The following GRIP1 variants were observed in gnomAD, a reference collection of about 807,000 sequenced individuals.
The protein encoded by GRIP1 is glutamate receptor interacting protein 1.
A neutral mutation model predicts 129.9 loss-of-function variants in GRIP1; 45 were observed. The ratio of observed to expected loss-of-function variants is 0.35; its 90% CI spans 0.27 to 0.44. GRIP1 has a LOEUF of 0.44. GRIP1 is among the 20% of genes least tolerant of loss of function. The pLI is 1.00. For synonymous variants in GRIP1, 530 were observed against 520.8 expected (o/e 1.02, Z -0.24); for missense variants, 1,196 against 1,396.8 (o/e 0.86, Z 2.29).
intron 15 of GRIP1, among the ~76,000 whole-genome samples, chr12:66,413,964 A>C (rs1036085385): frequency 1.3e-5 from 2 of 152,176 alleles, no homozygotes; most frequent in Non-Finnish European, 2.9e-5. Context: ...AGTGAAAGCC[A>C]CATAGGACAA....
chr12:66,814,562 C>A (rs543621140), intron 1 of GRIP1, among the ~76,000 whole-genome samples: 4 of 147,228 alleles, frequency 2.7e-5, no homozygotes, highest in South Asian at 4.3e-4. Flanking sequence ...ATTATGTGTC[C>A]AGCTGCACTA....
chr12:66,638,480 T>C (rs1445552791), intron 1 of GRIP1, among the ~76,000 whole-genome samples: 4 of 152,200 alleles, frequency 2.6e-5, no homozygotes, highest in African/African-American at 9.7e-5. Flanking sequence ...CCCCAGTACT[T>C]TGGCCACTGT....
intron 1 of GRIP1, among the ~76,000 whole-genome samples, chr12:66,823,288 T>A (rs1454064489): frequency 1.3e-5 from 2 of 152,088 alleles, no homozygotes; most frequent in Non-Finnish European, 2.9e-5. Context: ...TAAAGAACTG[T>A]TTTTTTATAA....
intron 1 of GRIP1, among the ~76,000 whole-genome samples, chr12:66,836,942 T>C (rs1592891501): frequency 6.6e-6 from 1 of 152,144 alleles, no homozygotes; most frequent in Non-Finnish European, 1.5e-5. Flanking sequence ...CATGTTGTTG[T>C]TTTTTTCCCT....
At position 67,003,738 on chromosome 12, in the gene GRIP1, A is replaced by T. The variant is rs562373139; in HGVS notation, c.58+65312T>A. 2.0e-5 allele frequency among the ~76,000 whole-genome samples: 3 copies of T among 151,984 alleles called. No homozygotes were observed. The South Asian group carries it at 6.2e-4, about 32-fold the overall frequency. ...AATAAAAATAAATAAAAAAATAAAT[A>T]AAAAAATTCCTACCATTTTCCCTCT... On this transcript the variant is annotated intron_variant, in intron 1 of 1. Coordinates refer to the GRIP1 transcript ENST00000643019.
intron 1 of GRIP1, among the ~76,000 whole-genome samples, chr12:66,604,321 A>C (rs1024718179): frequency 4.6e-5 from 7 of 152,206 alleles, no homozygotes; most frequent in Non-Finnish European, 7.3e-5. Flanking sequence ...GAAATTGCAC[A>C]TTTTCTGCCT....
chr12:66,877,716 C>T (rs1178633304), intron 1 of GRIP1, among the ~76,000 whole-genome samples: 1 of 151,978 alleles, frequency 6.6e-6, no homozygotes, highest in East Asian at 1.9e-4. Flanking sequence ...CCACATACAC[C>T]CCACATATTC....
chr12:66,841,193 A>G (rs11176445), intron 1 of GRIP1, among the ~76,000 whole-genome samples: 24,563 of 152,040 alleles, frequency 0.16, 2,135 homozygotes, highest in East Asian at 0.37. Flanking sequence ...AAAATCTGAA[A>G]ATCTGAGTGA....
chr12:66,991,979 G>C (rs2135644344), intron 1 of GRIP1, among the ~76,000 whole-genome samples: 1 of 152,256 alleles, frequency 6.6e-6, no homozygotes, highest in Non-Finnish European at 1.5e-5. Context: ...CTCAAAATAT[G>C]ACTTAAATAG....
At chr12:67,068,862 C>CCCCCCCCCGCCCCCCCT (rs2043682372) in intron 1 of GRIP1, among the ~76,000 whole-genome samples, 1 of 71,896 alleles carries the variant, frequency 1.4e-5, no homozygotes, top group Non-Finnish European at 3.0e-5. Context: ...CGCCCCCCCC[C>CCCCCCCCCGCCCCCCCT]CCCCCCGCAA....
intron 8 of GRIP1, among the ~76,000 whole-genome samples, chr12:66,464,329 C>T (rs1001398191): frequency 2.6e-5 from 4 of 151,938 alleles, no homozygotes; most frequent in African/African-American, 4.8e-5. Context: ...TTTTACCTTA[C>T]GAGTATAAAA....
intron 1 of GRIP1, among the ~76,000 whole-genome samples, chr12:66,932,035 G>T (rs900937272): frequency 7.2e-5 from 11 of 152,074 alleles, no homozygotes; most frequent in Admixed American, 7.2e-4. Flanking sequence ...AAAAATATAT[G>T]TATTTTTACA....
At chr12:66,561,470 AC>A (rs2062525648) in intron 2 of GRIP1, among the ~76,000 whole-genome samples, 1 of 152,070 alleles carries the variant, frequency 6.6e-6, no homozygotes. Flanking sequence ...CTATATACCC[AC>A]AAAAATTAAA....
At chr12:66,715,471 T>TGTGTGTGTGTGTGTGTGAGA (rs761155485) in intron 1 of GRIP1, among the ~76,000 whole-genome samples, 19 of 110,136 alleles carry the variant, frequency 1.7e-4, no homozygotes, top group Admixed American at 8.3e-4. Context: ...TGTGTGTGTG[T>TGTGTGTGTGTGTGTGTGAGA]GAGAGAGAGA....
In GRIP1 at chr12:66,371,772, A is replaced by G; in HGVS notation, c.2934T>C (p.Gly978=). Residue 978 remains glycine (G), a synonymous_variant, in exon 23 of 25, where the codon GGT becomes GGC. Coordinates refer to ENST00000359742, the MANE Select transcript of GRIP1 (RefSeq NM_001366722.1). ...TTTTTCTCAGGGTTACTGACTTCCT[A>G]CCCACATCTGAAGGCAGGGTGTTGC... ...TRSNTLPSDV[G]RKSVTLRKMK... 6.2e-7 allele frequency: 1 copy of G among 1,613,960 alleles called. No homozygotes were observed. Among genetic ancestry groups the G allele is most frequent in the Non-Finnish European group, 8.5e-7 (1 of 1,179,906 alleles).
intron 7 of GRIP1, among the ~76,000 whole-genome samples, chr12:66,470,932 C>G (rs994749847): frequency 6.6e-6 from 1 of 152,212 alleles, no homozygotes; most frequent in Admixed American, 6.5e-5. Context: ...TTGACATGAG[C>G]TGGGACCTTC....
intron 1 of GRIP1, among the ~76,000 whole-genome samples, chr12:66,845,816 A>C (rs1921007): frequency 3.9e-5 from 6 of 152,112 alleles, no homozygotes; most frequent in African/African-American, 1.4e-4. Context: ...AGGACTCTAT[A>C]TAATTCTCTT....
chr12:67,023,008 T>C (rs2042890783), intron 1 of GRIP1, among the ~76,000 whole-genome samples: 1 of 152,182 alleles, frequency 6.6e-6, no homozygotes, highest in African/African-American at 2.4e-5. Flanking sequence ...AAATTTTGGT[T>C]TATTTATTAT....
At chr12:66,531,255 ATATATATATATATATATATATATATAT>A (rs1565833807) in intron 4 of GRIP1, among the ~76,000 whole-genome samples, 59 of 4,814 alleles carry the variant, frequency 0.012, 2 homozygotes, top group African/African-American at 0.049. Context: ...AAAAAAAAAT[ATATATATATATATATATATATATATAT>A]ATATATATAT....
Sources: allele counts gnomAD v4.1 joint callset (sites outside exome capture counted in the v4.1 genomes callset), GRCh38; gene constraint gnomAD v4.1.1; transcripts MANE v1.5; gene names NCBI Gene and HGNC (gene_info 2026-07-23, HGNC 2026-07-21).